Variants in IMPG1 observed in about 807,000 individuals in gnomAD.
IMPG1 encodes the protein interphotoreceptor matrix proteoglycan of 150 kDa.
In IMPG1, 85 loss-of-function variants were observed where a neutral mutation model predicts 92.0. The ratio of observed to expected loss-of-function variants is 0.92; its 90% CI spans 0.78 to 1.11. IMPG1 has a LOEUF of 1.11. IMPG1 is among the 50% of genes least tolerant of loss of function. IMPG1 has a pLI of 0.00. For missense variants in IMPG1, 1,022 were observed against 956.0 expected, an observed-to-expected ratio of 1.07 and a Z score of -0.91; for synonymous variants, 367 against 334.1, an observed-to-expected ratio of 1.10 and a Z score of -1.08.
intron 12 of IMPG1, among the ~76,000 whole-genome samples, chr6:75,959,630 C>T (rs932089312): frequency 9.2e-5 from 14 of 152,250 alleles, no homozygotes; most frequent in South Asian, 2.1e-4. Context: ...CAGTGTGCTC[C>T]GCCCAGTTTG....
intron 12 of IMPG1, among the ~76,000 whole-genome samples, chr6:75,963,148 T>G (rs1782237427): frequency 6.6e-6 from 1 of 152,070 alleles, no homozygotes; most frequent in Non-Finnish European, 1.5e-5. Context: ...GAATACTAAT[T>G]TAATAATAAA....
intron 13 of IMPG1, among the ~76,000 whole-genome samples, chr6:75,948,758 G>C (rs1258489248): frequency 6.6e-6 from 1 of 152,110 alleles, no homozygotes; most frequent in African/African-American, 2.4e-5. Context: ...TGCTGATCTA[G>C]AAAGCACATT....
At chr6:75,949,342 G>T (rs1027395790) in intron 13 of IMPG1, among the ~76,000 whole-genome samples, 1 of 152,196 alleles carries the variant, frequency 6.6e-6, no homozygotes, top group Non-Finnish European at 1.5e-5. Flanking sequence ...GGCCATGAGA[G>T]TGACCTCTGG....
At chr6:75,992,541 T>G (rs1188669271) in intron 12 of IMPG1, among the ~76,000 whole-genome samples, 3 of 152,192 alleles carry the variant, frequency 2.0e-5, no homozygotes, top group Non-Finnish European at 4.4e-5. Context: ...CCTTCCTTCC[T>G]TTGTATCCAT....
chr6:76,009,666 AAAT>A (rs1354297796), intron 8 of IMPG1, among the ~76,000 whole-genome samples: 4 of 152,234 alleles, frequency 2.6e-5, no homozygotes, highest in African/African-American at 9.6e-5. Flanking sequence ...TCTTTGGCAG[AAAT>A]AATAATAAAT....
rs112473496 is a variant in IMPG1 at position 75,991,427 on chromosome 6, C to T, written c.1291+11491G>A. ...AAAAAAAAGGCAAAAGAGGCAGACA[C>T]ACTTGACTTCTCACCCTAACTGTGA... is the stretch of plus-strand genomic sequence containing the variant. On this transcript the variant is annotated intron_variant, in intron 12 of 16. Transcript: ENST00000369950. 8.8e-3 allele frequency among the ~76,000 whole-genome samples: 1,333 copies of T among 151,586 alleles called. 4 individuals are homozygous for T. Among genetic ancestry groups the T allele is most frequent in the Non-Finnish European group, 0.013 (876 of 67,908 alleles).
chr6:76,048,580 C>A (rs1416766437), intron 1 of IMPG1, among the ~76,000 whole-genome samples: 8 of 152,172 alleles, frequency 5.3e-5, no homozygotes, highest in Non-Finnish European at 1.2e-4. Flanking sequence ...CTTTCAAGAA[C>A]ATTCTTCCAG....
intron 1 of IMPG1, among the ~76,000 whole-genome samples, chr6:76,048,915 A>T (rs2127595734): frequency 6.6e-6 from 1 of 152,360 alleles, no homozygotes; most frequent in South Asian, 2.1e-4. Flanking sequence ...TCACTGTAGT[A>T]TTGTTCACAA....
intron 12 of IMPG1, among the ~76,000 whole-genome samples, chr6:75,961,775 G>T (rs1782215477): frequency 6.6e-6 from 1 of 152,196 alleles, no homozygotes; most frequent in South Asian, 2.1e-4. Context: ...GCAGCTAGCT[G>T]GGAGAACAGC....
At chr6:75,958,812 G>A (rs893202393) in intron 12 of IMPG1, among the ~76,000 whole-genome samples, 1 of 151,896 alleles carries the variant, frequency 6.6e-6, no homozygotes, top group Non-Finnish European at 1.5e-5. Flanking sequence ...CTTGCATTGG[G>A]TTAGAACATG....
chr6:76,042,128 T>C lies in IMPG1; in HGVS notation c.68-2A>G. 7.0e-7 allele frequency: 1 copy of C among 1,432,890 alleles called. No homozygotes were observed. The highest frequency in any genetic ancestry group is 9.8e-7 in the Non-Finnish European group (1 of 1,015,476). 88.8% of individuals were successfully genotyped at this position (1,432,890 alleles called of 1,614,324 possible). On this transcript the variant is annotated splice_acceptor_variant, in intron 1 of 16. Transcript: ENST00000369950. LOFTEE classifies it high-confidence loss of function. ...AATGGTATATGTTAATGGAGATATC[T>C]GTAAAAGAAAGATTGATATCCTGGT... is the stretch of plus-strand genomic sequence containing the variant.
intron 15 of IMPG1, among the ~76,000 whole-genome samples, chr6:75,924,561 T>A (rs1333955513): frequency 0.037 from 1,656 of 45,328 alleles, 580 homozygotes; most frequent in Middle Eastern, 0.088. Context: ...TTAATATAAT[T>A]ATATATTATA....
chr6:75,960,279 C>A (rs1255438268), intron 12 of IMPG1, among the ~76,000 whole-genome samples: 1 of 152,178 alleles, frequency 6.6e-6, no homozygotes, highest in Non-Finnish European at 1.5e-5. Flanking sequence ...CTGCATTGAT[C>A]TTGCTGCGAG....
intron 1 of IMPG1, among the ~76,000 whole-genome samples, chr6:76,058,756 T>C (rs1306586558): frequency 1.3e-5 from 2 of 152,182 alleles, no homozygotes; most frequent in Non-Finnish European, 2.9e-5. Flanking sequence ...GAATAGCTTG[T>C]AGGGCCTAGC....
intron 12 of IMPG1, among the ~76,000 whole-genome samples, chr6:75,979,238 T>C (rs1188404932): frequency 6.6e-6 from 1 of 152,096 alleles, no homozygotes; most frequent in Admixed American, 6.6e-5. Flanking sequence ...ACTCTTAATA[T>C]AGTATCAGTG....
In IMPG1 at chr6:76,072,539, A is replaced by G. The variant is rs757989766; in HGVS notation, c.-51T>C. On this transcript the variant is annotated 5_prime_UTR_variant, in exon 1 of 17. Coordinates refer to ENST00000369950, the MANE Select transcript of IMPG1 (RefSeq NM_001563.4). ...TGATAACAATCACAGAACAACCTCAAATCTCATTAAAAAGTAACAGAAATG... is the reference window on the plus strand; with the variant it reads ...TGATAACAATCACAGAACAACCTCAGATCTCATTAAAAAGTAACAGAAATG... 4 of 1,031,986 alleles carry G rather than the reference A, an allele frequency of 3.9e-6. No homozygotes were observed. Among genetic ancestry groups the G allele is most frequent in the Middle Eastern group, 2.1e-4 (1 of 4,676 alleles). 63.9% of individuals were successfully genotyped at this position (1,031,986 alleles called of 1,614,324 possible).
intron 12 of IMPG1, among the ~76,000 whole-genome samples, chr6:75,993,897 T>A (rs1782856311): frequency 6.6e-6 from 1 of 152,204 alleles, no homozygotes. Flanking sequence ...CCTAACTGTT[T>A]CAGTGCCAGC....
intron 11 of IMPG1, among the ~76,000 whole-genome samples, 158 bp downstream of exon 11, chr6:76,003,716 A>G (rs1783040856): frequency 6.6e-6 from 1 of 152,244 alleles, no homozygotes; most frequent in African/African-American, 2.4e-5. Context: ...GGATACTGAA[A>G]GTGGGTTAAG....
chr6:75,985,006 T>A (rs1353878688), intron 12 of IMPG1, among the ~76,000 whole-genome samples: 1 of 152,220 alleles, frequency 6.6e-6, no homozygotes, highest in Non-Finnish European at 1.5e-5. Context: ...CTCTTTTCTT[T>A]ATAAATAACC....
Sources: gnomAD v4.1 joint callset for allele counts (sites outside exome capture counted in the v4.1 genomes callset) on GRCh38, gnomAD v4.1.1 for gene constraint, MANE v1.5 for transcripts, NCBI Gene and HGNC (gene_info 2026-07-23, HGNC 2026-07-21) for gene names.